Variants in DNAJC12 observed in about 807,000 individuals in gnomAD.
DNAJC12 encodes the protein dnaJ homolog subfamily C member 12.
DNAJC12 carries 25 observed loss-of-function variants against 28.5 expected under a neutral mutation model. The observed-to-expected ratio is 0.88, with a 90% confidence interval of 0.64 to 1.22. The LOEUF is 1.22. DNAJC12 is among the 50% of genes most tolerant of loss of function. The pLI is 0.00. For missense variants in DNAJC12, 222 were observed against 231.7 expected (o/e 0.96, Z 0.27); for synonymous variants, 77 against 80.6 (o/e 0.95, Z 0.24).
chr10:67,830,874 A>T (rs375627819), intron 1 of DNAJC12, among the ~76,000 whole-genome samples: 1 of 152,112 alleles, frequency 6.6e-6, no homozygotes, highest in Non-Finnish European at 1.5e-5. Context: ...CTCCAAATAC[A>T]TACAAAAATA....
intron 4 of DNAJC12, among the ~76,000 whole-genome samples, chr10:67,804,796 C>T (rs1841782173): frequency 6.6e-6 from 1 of 152,146 alleles, no homozygotes; most frequent in South Asian, 2.1e-4. Flanking sequence ...CTTTGGGAGG[C>T]CCAGGCAGGA....
chr10:67,837,615 C>G (rs930424912), intron 1 of DNAJC12, among the ~76,000 whole-genome samples: 4 of 152,118 alleles, frequency 2.6e-5, no homozygotes, highest in Admixed American at 1.3e-4. Context: ...CTGTGAAACA[C>G]TGCCATCAGA....
intron 1 of DNAJC12, among the ~76,000 whole-genome samples, chr10:67,823,979 T>G (rs1343998649): frequency 6.6e-6 from 1 of 152,184 alleles, no homozygotes; most frequent in African/African-American, 2.4e-5. Flanking sequence ...GGCTCACGCC[T>G]GTAATCCTTG....
intron 2 of DNAJC12, among the ~76,000 whole-genome samples, chr10:67,815,522 A>AG (rs1260574103): frequency 1.3e-5 from 2 of 151,120 alleles, no homozygotes; most frequent in Non-Finnish European, 2.9e-5. Flanking sequence ...AAAAAAAAAA[A>AG]AAAAAGAAAA....
At chr10:67,816,137 C>T in intron 2 of DNAJC12, 1 of 398,312 alleles carries the variant, frequency 2.5e-6, no homozygotes, top group Non-Finnish European at 4.4e-6. Flanking sequence ...GGTCTACCTT[C>T]AAAATATAGA....
At chr10:67,837,784 T>G in intron 1 of DNAJC12, 150 bp downstream of exon 1, 1 of 557,014 alleles carries the variant, frequency 1.8e-6, no homozygotes, top group Non-Finnish European at 3.1e-6. Flanking sequence ...ATTCTTAACT[T>G]TCTCTGAGCC....
At chr10:67,803,474 T>G (rs1323137974) in intron 4 of DNAJC12, among the ~76,000 whole-genome samples, 1 of 152,282 alleles carries the variant, frequency 6.6e-6, no homozygotes, top group Non-Finnish European at 1.5e-5. Context: ...CCTGGCTATA[T>G]ATGATTCTTT....
At chr10:67,819,761 AGGAAGGAAGGAAGGAAGG>A (rs1564863543) in intron 2 of DNAJC12, among the ~76,000 whole-genome samples, 764 of 15,850 alleles carry the variant, frequency 0.048, 56 homozygotes, top group South Asian at 0.11. Flanking sequence ...GAAGGAAGGA[AGGAAGGAAGGAAGGAAGG>A]GGAAGGAAGG....
At chr10:67,815,655 C>T (rs1238195705) in intron 2 of DNAJC12, among the ~76,000 whole-genome samples, 2 of 152,026 alleles carry the variant, frequency 1.3e-5, no homozygotes, top group Non-Finnish European at 2.9e-5. Flanking sequence ...ATGTAAATGT[C>T]CCATTGTATA....
In DNAJC12 at chr10:67,819,732, A is replaced by G. The variant is rs1283392530; in HGVS notation, c.157+3582T>C. On this transcript the variant is annotated intron_variant, in intron 2 of 4. Coordinates refer to ENST00000225171, the MANE Select transcript of DNAJC12 (RefSeq NM_021800.3). ...GAAGGAAGGAAGCAAGGAAGGAAGGAAGGAAGGAAGGAAGGAAGGAAGGAA... is the reference window on the plus strand; with the variant it reads ...GAAGGAAGGAAGCAAGGAAGGAAGGGAGGAAGGAAGGAAGGAAGGAAGGAA... 3.4e-3 allele frequency among the ~76,000 whole-genome samples: 71 copies of G among 20,702 alleles called. 1 individual carries two copies. The highest frequency in any genetic ancestry group is 0.011 in the South Asian group (5 of 466). The allele number at this position is 20,702 out of a possible 152,430, so 13.6% of individuals were successfully genotyped here.
intron 2 of DNAJC12, among the ~76,000 whole-genome samples, chr10:67,812,285 GC>G (rs1321498569): frequency 6.6e-6 from 1 of 152,110 alleles, no homozygotes; most frequent in Non-Finnish European, 1.5e-5. Context: ...GAGGGATGGG[GC>G]TGTAGAGTAG....
At chr10:67,832,808 T>C (rs551253873) in intron 1 of DNAJC12, among the ~76,000 whole-genome samples, 1 of 152,224 alleles carries the variant, frequency 6.6e-6, no homozygotes, top group African/African-American at 2.4e-5. Flanking sequence ...GGAAAAATAA[T>C]AACCCTACCT....
At chr10:67,824,572 A>G (rs1208301013) in intron 1 of DNAJC12, among the ~76,000 whole-genome samples, 1 of 152,082 alleles carries the variant, frequency 6.6e-6, no homozygotes, top group African/African-American at 2.4e-5. Flanking sequence ...GAGAGGCATC[A>G]ATGATTTGAT....
At chr10:67,809,378 C>T (rs1174128549) in intron 3 of DNAJC12, among the ~76,000 whole-genome samples, 1 of 152,080 alleles carries the variant, frequency 6.6e-6, no homozygotes, top group African/African-American at 2.4e-5. Flanking sequence ...CCCAGGATCC[C>T]AAAGGCCTGA....
At chr10:67,823,184 T>A (rs995735222) in intron 2 of DNAJC12, 130 bp downstream of exon 2, 2 of 706,852 alleles carry the variant, frequency 2.8e-6, no homozygotes, top group Non-Finnish European at 4.8e-6. Flanking sequence ...TATCATCCAA[T>A]AGTGCAAAGA....
At chr10:67,833,840 G>A in intron 1 of DNAJC12, 1 of 494,928 alleles carries the variant, frequency 2.0e-6, no homozygotes, top group Non-Finnish European at 4.2e-6. Context: ...TGCAAGCCAT[G>A]GAGCACATGG....
chr10:67,797,314 G>A, intron 4 of DNAJC12, 104 bp from the exon 5 acceptor site: 1 of 834,808 alleles, frequency 1.2e-6, no homozygotes, highest in South Asian at 1.6e-5. Context: ...CAGGTACAAT[G>A]TAAGGGTAAG....
At chr10:67,829,568 G>A (rs959347207) in intron 1 of DNAJC12, among the ~76,000 whole-genome samples, 4 of 152,170 alleles carry the variant, frequency 2.6e-5, no homozygotes, top group African/African-American at 9.7e-5. Context: ...GTGAATCTGG[G>A]AGGCGGAGCT....
At chr10:67,819,642 AAGAAAGAAAGAAAGAAAG>A (rs1841951638) in intron 2 of DNAJC12, among the ~76,000 whole-genome samples, 2 of 137,388 alleles carry the variant, frequency 1.5e-5, no homozygotes, top group Admixed American at 7.6e-5. Flanking sequence ...GTCACAAAAA[AAGAAAGAAAGAAAGAAAG>A]AGAAAGAAAG....
Sources: allele counts gnomAD v4.1 joint callset (sites outside exome capture counted in the v4.1 genomes callset), GRCh38; gene constraint gnomAD v4.1.1; transcripts MANE v1.5; gene names NCBI Gene and HGNC (gene_info 2026-07-23, HGNC 2026-07-21).